Variants in ATM observed in about 807,000 individuals in gnomAD.
ATM encodes the protein ATM serine/threonine kinase.
A neutral mutation model predicts 387.0 loss-of-function variants in ATM; 308 were observed. The ratio of observed to expected loss-of-function variants is 0.80; its 90% CI spans 0.73 to 0.87. The LOEUF is 0.87. ATM is among the 40% of genes least tolerant of loss of function. The pLI is 0.00. For missense variants in ATM, 3,312 were observed against 3,560.9 expected (o/e 0.93, Z 1.78); for synonymous variants, 1,156 against 1,187.3 (o/e 0.97, Z 0.54).
chr11:108,250,246 A>G (rs543159644), intron 9 of ATM, among the ~76,000 whole-genome samples: 41 of 151,996 alleles, frequency 2.7e-4, no homozygotes, highest in South Asian at 1.0e-3. Flanking sequence ...TCCACCTCCC[A>G]GGTTCAAGCA....
At chr11:108,345,672 T>A (rs375168656) in intron 57 of ATM, 71 bp from the exon 58 acceptor site, 3 of 1,242,930 alleles carry the variant, frequency 2.4e-6, no homozygotes, top group Non-Finnish European at 3.3e-6. Flanking sequence ...CATATTTTTA[T>A]ATAAAAATGT....
chr11:108,346,035 C>A, intron 58 of ATM, 127 bp downstream of exon 58: 2 of 1,004,406 alleles, frequency 2.0e-6, no homozygotes, highest in Non-Finnish European at 3.1e-6. Context: ...GGTTAGTAAC[C>A]AACCCATCTT....
At position 108,244,658 on chromosome 11, in the gene ATM, G is replaced by A. The variant is rs146531648; in HGVS notation, c.663-130G>A. The A allele has an allele frequency of 2.0e-4, 156 of 787,566 alleles. No individual in the cohort carries two copies. In the African/African-American group the frequency reaches 2.4e-3, roughly 12 times the overall value. The allele number at this position is 787,566 out of a possible 1,614,324, so 48.8% of individuals were successfully genotyped here. On this transcript the variant is annotated intron_variant, in intron 6 of 62. Coordinates refer to ENST00000675843, the MANE Select transcript of ATM (RefSeq NM_000051.4). Reference sequence around the variant, plus strand: ...ATTTTTTTTTTTAATGAATAGTTTTGAAATTAAGACTACTGTTTGAAAATT... The same window carrying A: ...ATTTTTTTTTTTAATGAATAGTTTTAAAATTAAGACTACTGTTTGAAAATT...
rs565955227 is a variant in ATM, at chr11:108,263,060, A to T, written c.2466+3985A>T. On this transcript the variant is annotated intron_variant, in intron 16 of 62. Coordinates refer to ENST00000675843, the MANE Select transcript of ATM (RefSeq NM_000051.4). Reference sequence around the variant, plus strand: ...GGAGACTTTTAACACCCCACTGTCAACATTAGACAGATCAACGAGACAGAA... The same window carrying T: ...GGAGACTTTTAACACCCCACTGTCATCATTAGACAGATCAACGAGACAGAA... Among the ~76,000 whole-genome samples, 3 of 152,174 alleles carry T rather than the reference A, an allele frequency of 2.0e-5. No homozygotes were observed. In the South Asian group the frequency reaches 6.2e-4, roughly 32 times the overall value.
intron 22 of ATM, among the ~76,000 whole-genome samples, chr11:108,273,292 T>C (rs2135577613): frequency 6.6e-6 from 1 of 151,832 alleles, no homozygotes; most frequent in African/African-American, 2.4e-5. Flanking sequence ...GAGGATCTTT[T>C]ATATTTGAGT....
chr11:108,358,589 C>T (rs1332608025), intron 61 of ATM, among the ~76,000 whole-genome samples: 3 of 120,136 alleles, frequency 2.5e-5, no homozygotes, highest in African/African-American at 9.4e-5. Flanking sequence ...AGACTAACAG[C>T]AGATCTCTCG....
Position 108,243,949 on chromosome 11 carries a change from T to A in ATM, c.497-4T>A, listed in dbSNP as rs876659621. On this transcript the variant is annotated splice_region_variant and splice_polypyrimidine_tract_variant and intron_variant, in intron 5 of 62. Transcript: ENST00000675843. ...ATGACTAATAATTTTTTTTTTTTTT[T>A]AAGAATTGTTCTCTGTGTACTTCAG... The A allele has an allele frequency of 3.9e-6, 6 of 1,537,056 alleles. No homozygotes were observed. Among genetic ancestry groups the A allele is most frequent in the Non-Finnish European group, 4.4e-6 (5 of 1,141,982 alleles).
chr11:108,232,527 C>CTTTTTT (rs71047685), intron 4 of ATM, among the ~76,000 whole-genome samples: 5 of 58,212 alleles, frequency 8.6e-5, no homozygotes, highest in East Asian at 6.7e-4. Context: ...GATTTCTCTC[C>CTTTTTT]TTTTTTTTTT....
chr11:108,272,150 C>T (rs1344797507), intron 20 of ATM, among the ~76,000 whole-genome samples: 1 of 152,190 alleles, frequency 6.6e-6, no homozygotes, highest in Non-Finnish European at 1.5e-5. Context: ...GTTGGGATTA[C>T]AGGTGTGAGC....
chr11:108,227,933 A>G (rs759014058), intron 3 of ATM, 45 bp downstream of exon 3: 39 of 1,490,896 alleles, frequency 2.6e-5, no homozygotes, highest in Non-Finnish European at 3.4e-5. Context: ...TTTCTCTTTC[A>G]TATTTATTTC....
Position 108,244,873 on chromosome 11 carries a change from C to A in ATM, c.748C>A (p.Arg250=), listed in dbSNP as rs772821016. 6.2e-7 allele frequency: 1 copy of A among 1,613,696 alleles called. No individual in the cohort carries two copies. The highest frequency in any genetic ancestry group is 8.5e-7 in the Non-Finnish European group (1 of 1,179,900). ...GACTTTGGCTGTCAACTTTCGAATT[C>A]GAGTGTGTGAATTAGGAGATGAAAT... ...LKTLAVNFRI[R]VCELGDEILP... is the part of the protein sequence containing the mutation. Residue 250 remains arginine, a synonymous_variant, in exon 7 of 63, where the codon CGA becomes AGA. Transcript: ENST00000675843.
chr11:108,311,690 C>T (rs994900171), intron 39 of ATM, among the ~76,000 whole-genome samples: 15 of 150,672 alleles, frequency 1.0e-4, no homozygotes, highest in Non-Finnish European at 2.2e-4. Context: ...AGAGCGAGAC[C>T]CTATCTCATA....
Position 108,293,388 on chromosome 11 carries a change from G to A in ATM, c.4687G>A (p.Asp1563Asn), listed in dbSNP as rs1464587365. The A allele has an allele frequency of 1.2e-6, 2 of 1,607,534 alleles. No homozygotes were observed. Among genetic ancestry groups the A allele is most frequent in the Non-Finnish European group, 1.7e-6 (2 of 1,174,486 alleles). Residue 1563 changes from aspartate to asparagine, a missense_variant, in exon 31 of 63, where the codon GAT becomes AAT. Asp to Asn is a conservative substitution (Grantham distance 23, BLOSUM62 1). Transcript: ENST00000675843. ...ENLYITIKLLDPFPDHVVFKD... is the reference protein window; with the variant it reads ...ENLYITIKLLNPFPDHVVFKD... ...CCTCTATATCACGATTAAGCTTTTA[G>A]ATCCTTTTCCTGACCATGTTGTTTT...
At chr11:108,261,595 C>T (rs1273428988) in intron 16 of ATM, among the ~76,000 whole-genome samples, 6 of 152,112 alleles carry the variant, frequency 3.9e-5, no homozygotes, top group East Asian at 1.9e-4. Flanking sequence ...ACCAAAGGAA[C>T]GCAGTTCCTC....
intron 36 of ATM, among the ~76,000 whole-genome samples, chr11:108,304,152 A>G (rs1445933115): frequency 6.6e-6 from 1 of 152,214 alleles, no homozygotes; most frequent in Non-Finnish European, 1.5e-5. Context: ...TATACCACAA[A>G]TAATTACCCA....
intron 22 of ATM, among the ~76,000 whole-genome samples, chr11:108,277,774 A>G (rs1591627486): frequency 6.6e-6 from 1 of 151,998 alleles, no homozygotes; most frequent in South Asian, 2.1e-4. Flanking sequence ...AGAAATCACC[A>G]CCTTCTGCGT....
intron 57 of ATM, 44 bp downstream of exon 57, chr11:108,343,415 T>C (rs2136958038): frequency 6.2e-7 from 1 of 1,608,880 alleles, no homozygotes; most frequent in Non-Finnish European, 8.5e-7. Context: ...GATTATTTAA[T>C]GGCTTATTAA....
chr11:108,291,191 G>A (rs532144535), intron 29 of ATM, among the ~76,000 whole-genome samples: 3 of 152,022 alleles, frequency 2.0e-5, no homozygotes, highest in East Asian at 1.9e-4. Context: ...AGTCTAATTC[G>A]CACCACTGCA....
At chr11:108,296,256 C>CTT (rs1298737298) in intron 32 of ATM, among the ~76,000 whole-genome samples, 2 of 144,988 alleles carry the variant, frequency 1.4e-5, no homozygotes, top group African/African-American at 5.0e-5. Context: ...TTTCATATTT[C>CTT]TTTTTTTTTT....
Sources: allele counts gnomAD v4.1 joint callset (sites outside exome capture counted in the v4.1 genomes callset), GRCh38; gene constraint gnomAD v4.1.1; transcripts MANE v1.5; gene names NCBI Gene and HGNC (gene_info 2026-07-23, HGNC 2026-07-21).